BCL7C: variants seen among roughly 807,000 people sequenced by gnomAD.
BCL7C encodes BAF chromatin remodeling complex subunit BCL7C, also known as B-cell CLL/lymphoma 7 protein family member C.
BCL7C carries 8 observed loss-of-function variants against 26.2 expected under a neutral mutation model. The observed-to-expected ratio is 0.30, with a 90% CI of 0.18 to 0.55. The LOEUF is 0.55. BCL7C is among the 20% of genes least tolerant of loss of function. The probability of loss-of-function intolerance (pLI) is 0.93; values close to 1 mark genes in which losing one functional copy is unlikely to be tolerated. For synonymous variants in BCL7C, 90 were observed against 116.5 expected (o/e 0.77, Z 1.47); for missense variants, 262 against 298.5 (o/e 0.88, Z 0.90).
rs770467743 is a variant in BCL7C at position 30,893,338 on chromosome 16, AC to A, written c.93-49del. The A allele has an allele frequency of 3.9e-5, 59 of 1,518,092 alleles. 1 individual carries two copies. Among genetic ancestry groups the A allele is most frequent in the Non-Finnish European group, 5.0e-5 (55 of 1,103,372 alleles). The allele number at this position is 1,518,092 out of a possible 1,614,324, so 94.0% of individuals were successfully genotyped here. On this transcript the variant is annotated intron_variant, in intron 1 of 5. Transcript: ENST00000215115. This position sits in a 1 kb window ranked among gnomAD's most constrained non-coding sequence, Gnocchi z 5.2. ...GTCAGAGAGGCCTGAGGGGAGACCC[AC>A]CCCCCTAGGAGCTGGACACATCTGG...
chr16:30,849,156 C>T (rs1208021027), intron 5 of BCL7C, among the ~76,000 whole-genome samples: 2 of 150,172 alleles, frequency 1.3e-5, no homozygotes, highest in Non-Finnish European at 3.0e-5. Context: ...CACTGCACTC[C>T]AGCCTGGGGG....
intron 5 of BCL7C, among the ~76,000 whole-genome samples, chr16:30,857,863 C>T (rs770388490): frequency 6.6e-6 from 1 of 151,060 alleles, no homozygotes; most frequent in Non-Finnish European, 1.5e-5. Context: ...CCCAGCTACT[C>T]GGGAGGCTGA....
chr16:30,872,959 A>G (rs1458943171), intron 5 of BCL7C, among the ~76,000 whole-genome samples: 2 of 152,226 alleles, frequency 1.3e-5, no homozygotes, highest in African/African-American at 4.8e-5. Flanking sequence ...CAGACAATCC[A>G]GTGTTTGCCA....
intron 5 of BCL7C, among the ~76,000 whole-genome samples, chr16:30,877,903 A>T (rs1387069908): frequency 6.6e-6 from 1 of 151,566 alleles, no homozygotes; most frequent in Non-Finnish European, 1.5e-5. Flanking sequence ...GGCCGGGCGC[A>T]GTGGCTGATG....
chr16:30,886,800 G>A (rs1026491596), downstream of BCL7C, among the ~76,000 whole-genome samples: 4 of 152,192 alleles, frequency 2.6e-5, no homozygotes, highest in Middle Eastern at 3.2e-3. Flanking sequence ...CCAGGTGGAG[G>A]AGTGGCTTCT....
Position 30,834,071 on chromosome 16 carries a change from G to C in BCL7C, c.*877C>G, listed in dbSNP as rs182656184. 1 of 152,244 alleles carries C rather than the reference G, an allele frequency of 6.6e-6. No homozygotes were observed. The highest frequency in any genetic ancestry group is 1.5e-5 in the Non-Finnish European group (1 of 68,050). 9.4% of individuals were successfully genotyped at this position (152,244 alleles called of 1,614,324 possible). On this transcript the variant is annotated 3_prime_UTR_variant, in exon 6 of 6. Transcript: ENST00000380317. This position sits in a 1 kb window ranked among gnomAD's most constrained non-coding sequence, Gnocchi z 4.3. ...AGTAAACCCTTGATAAATGGGAGGC[G>C]TTATTATTTCCTAGTACAACAGACC...
At chr16:30,874,756 C>G (rs1000200395) in intron 5 of BCL7C, among the ~76,000 whole-genome samples, 3 of 152,210 alleles carry the variant, frequency 2.0e-5, no homozygotes, top group Non-Finnish European at 4.4e-5. Context: ...GAGCCACAGA[C>G]CTGAGTCTTG....
At chr16:30,863,084 C>G (rs185595184) in intron 5 of BCL7C, among the ~76,000 whole-genome samples, 2 of 152,220 alleles carry the variant, frequency 1.3e-5, no homozygotes, top group Non-Finnish European at 2.9e-5. Context: ...GATAACACAC[C>G]TGACCCCCAT....
intron 5 of BCL7C, among the ~76,000 whole-genome samples, chr16:30,873,890 C>T (rs573657082): frequency 2.3e-3 from 334 of 147,792 alleles, no homozygotes; most frequent in Non-Finnish European, 3.6e-3. Context: ...CACACACACA[C>T]ATATAGAAAA....
At chr16:30,842,711 G>A (rs1428377022) in intron 5 of BCL7C, among the ~76,000 whole-genome samples, 7 of 152,102 alleles carry the variant, frequency 4.6e-5, no homozygotes, top group South Asian at 2.1e-4. Flanking sequence ...TGGGACCACT[G>A]GCGCCCGCCA....
chr16:30,856,151 A>G (rs1398241952), intron 5 of BCL7C, among the ~76,000 whole-genome samples: 1 of 151,580 alleles, frequency 6.6e-6, no homozygotes, highest in Non-Finnish European at 1.5e-5. Context: ...GTGACATTTT[A>G]AAAACCAAAG....
chr16:30,873,132 A>G (rs1326659905), intron 5 of BCL7C, among the ~76,000 whole-genome samples: 1 of 152,186 alleles, frequency 6.6e-6, no homozygotes, highest in East Asian at 1.9e-4. Context: ...AGAAATTATC[A>G]TGTACCCAAG....
chr16:30,891,256 C>T (rs1459013651), intron 4 of BCL7C, among the ~76,000 whole-genome samples: 4 of 149,692 alleles, frequency 2.7e-5, no homozygotes, highest in African/African-American at 9.8e-5. Flanking sequence ...TGAGGTCAGG[C>T]GTTTGAGACC....
downstream of BCL7C, among the ~76,000 whole-genome samples, chr16:30,884,742 C>T (rs144935938): frequency 4.6e-5 from 7 of 152,234 alleles, no homozygotes; most frequent in East Asian, 1.4e-3. Flanking sequence ...AGTAATCCAA[C>T]CACCTCAGCC....
chr16:30,890,174 T>C (rs1189508994), intron 4 of BCL7C, among the ~76,000 whole-genome samples: 1 of 151,270 alleles, frequency 6.6e-6, no homozygotes, highest in African/African-American at 2.4e-5. Context: ...GGCAGGTGGA[T>C]CACGAGGTCA....
intron 5 of BCL7C, among the ~76,000 whole-genome samples, chr16:30,867,961 C>T (rs2054843628): frequency 6.6e-6 from 1 of 151,894 alleles, no homozygotes; most frequent in Non-Finnish European, 1.5e-5. Context: ...CTAGAGCCTC[C>T]AGGAGGGAAC....
In BCL7C at chr16:30,893,154, G is replaced by T; in HGVS notation, c.171+58C>A. On this transcript the variant is annotated intron_variant, in intron 2 of 5. Transcript: ENST00000215115. The surrounding 1 kb of genome is among the most constrained non-coding windows in gnomAD (Gnocchi z 5.2). ...AGCTGGAGGTAGAGGTCAGCGTGGG[G>T]AGGAACTTGCCTGAGGTTGCACAGA... is the stretch of plus-strand genomic sequence containing the variant. The T allele has an allele frequency of 1.3e-6, 2 of 1,552,730 alleles. No individual in the cohort carries two copies. The highest frequency in any genetic ancestry group is 1.7e-5 in the Admixed American group (1 of 57,188).
intron 5 of BCL7C, among the ~76,000 whole-genome samples, chr16:30,868,784 T>C (rs2054855076): frequency 6.6e-6 from 1 of 151,118 alleles, no homozygotes; most frequent in Non-Finnish European, 1.5e-5. Context: ...AAACTCCATC[T>C]GAAACAAAAC....
chr16:30,859,287 G>C (rs538010545), intron 5 of BCL7C, among the ~76,000 whole-genome samples: 4 of 152,308 alleles, frequency 2.6e-5, no homozygotes, highest in African/African-American at 9.6e-5. Context: ...TGTGCATCAA[G>C]TGTTTAGAGA....
Sources: gnomAD v4.1 joint callset for allele counts (sites outside exome capture counted in the v4.1 genomes callset) on GRCh38, gnomAD v4.1.1 for gene constraint, Gnocchi (gnomAD v3.1) non-coding constraint, MANE v1.5 for transcripts, NCBI Gene and HGNC (gene_info 2026-07-23, HGNC 2026-07-21) for gene names.